UBOX5: variants seen among roughly 807,000 people sequenced by gnomAD.
The protein encoded by UBOX5 is U-box domain containing 5.
A neutral mutation model predicts 39.0 loss-of-function variants in UBOX5; 28 were observed. That is an observed-to-expected ratio of 0.72 (90% CI 0.53 to 0.98). The LOEUF is 0.98. Ranked by LOEUF, UBOX5 falls within the 50% of genes least tolerant of loss-of-function variation. UBOX5 has a pLI of 0.00. For missense variants in UBOX5, 585 were observed against 674.4 expected (o/e 0.87, Z 1.47); for synonymous variants, 283 against 275.5 (o/e 1.03, Z -0.27).
intron 1 of UBOX5, among the ~76,000 whole-genome samples, chr20:3,142,049 T>G (rs2066521205): frequency 6.7e-6 from 1 of 150,088 alleles, no homozygotes. Context: ...CCTCAGCTAC[T>G]TGGAAGGCTG....
At chr20:3,152,007 G>A (rs2148624580) in intron 1 of UBOX5, 1 of 151,102 alleles carries the variant, frequency 6.6e-6, no homozygotes, top group East Asian at 1.9e-4. Context: ...CGGGGGGCTG[G>A]GGCACAAGAG....
At chr20:3,155,261 G>A (rs914809433) in intron 1 of UBOX5, among the ~76,000 whole-genome samples, 12 of 151,996 alleles carry the variant, frequency 7.9e-5, no homozygotes, top group African/African-American at 2.4e-4. Context: ...TGGGCACAGC[G>A]GCTCAAGTCT....
chr20:3,132,576 TG>T (rs1253690982), intron 1 of UBOX5, among the ~76,000 whole-genome samples: 1 of 151,850 alleles, frequency 6.6e-6, no homozygotes, highest in African/African-American at 2.4e-5. Context: ...CCCAGCACTT[TG>T]GGTGGCTGAG....
intron 3 of UBOX5, 146 bp downstream of exon 3, chr20:3,121,238 C>A: frequency 8.2e-7 from 1 of 1,220,552 alleles, no homozygotes; most frequent in South Asian, 1.6e-5. Context: ...AGCTGAGGGG[C>A]CCCAGGATGG....
At chr20:3,142,758 G>A (rs1292271338) in intron 1 of UBOX5, among the ~76,000 whole-genome samples, 1 of 117,430 alleles carries the variant, frequency 8.5e-6, no homozygotes, top group South Asian at 2.9e-4. Flanking sequence ...GGGCGACAGA[G>A]AGAAACTCTG....
rs577407796 is a variant in UBOX5 at position 3,113,498 on chromosome 20, T to C, written c.1417+1807A>G. ...ACATGATAAAAAGATCCAACTGCTA[T>C]GAGTATGATGAGCCACAGTAAGGCG... On this transcript the variant is annotated intron_variant, in intron 4 of 4. Transcript: ENST00000217173. Among the ~76,000 whole-genome samples, 211 of 151,944 alleles carry C rather than the reference T, an allele frequency of 1.4e-3. 1 individual carries two copies. Among genetic ancestry groups the C allele is most frequent in the South Asian group, 1.7e-3 (8 of 4,800 alleles).
chr20:3,147,218 A>G (rs1173086338), intron 1 of UBOX5: 1 of 1,614,216 alleles, frequency 6.2e-7, no homozygotes. Context: ...CACATGCTCA[A>G]GCCTTAATTT....
At chr20:3,159,132 C>G (rs977224778) in intron 1 of UBOX5, among the ~76,000 whole-genome samples, 1 of 152,186 alleles carries the variant, frequency 6.6e-6, no homozygotes, top group Non-Finnish European at 1.5e-5. Flanking sequence ...GAAAGAGCAA[C>G]TATTCTTACC....
chr20:3,138,132 C>G (rs1294580519), intron 1 of UBOX5, among the ~76,000 whole-genome samples: 2 of 152,006 alleles, frequency 1.3e-5, no homozygotes, highest in Non-Finnish European at 2.9e-5. Flanking sequence ...AATTAGCCAG[C>G]CATGGTGGCG....
At chr20:3,130,970 A>T (rs895815213) in intron 1 of UBOX5, among the ~76,000 whole-genome samples, 2 of 152,082 alleles carry the variant, frequency 1.3e-5, no homozygotes, top group Non-Finnish European at 2.9e-5. Flanking sequence ...AGTGGCTCAC[A>T]CCTGTAATCC....
intron 1 of UBOX5, chr20:3,147,518 T>G: frequency 6.2e-7 from 1 of 1,614,218 alleles, no homozygotes; most frequent in Non-Finnish European, 8.5e-7. Flanking sequence ...AACTGTACCA[T>G]CGAGGGTATA....
chr20:3,143,229 C>T (rs1282446805), intron 1 of UBOX5, among the ~76,000 whole-genome samples: 1 of 150,374 alleles, frequency 6.7e-6, no homozygotes, highest in Non-Finnish European at 1.5e-5. Context: ...CATGCTTCAG[C>T]CTCCTGAGTT....
intron 2 of UBOX5, 126 bp downstream of exon 2, chr20:3,123,186 G>T: frequency 1.0e-6 from 1 of 953,556 alleles, no homozygotes; most frequent in Non-Finnish European, 1.6e-6. Context: ...ACCATCTGAT[G>T]GAATCTAAAG....
At chr20:3,145,431 CCTT>C (rs2066552047) in intron 1 of UBOX5, among the ~76,000 whole-genome samples, 2 of 312 alleles carry the variant, frequency 6.4e-3, no homozygotes, top group African/African-American at 9.5e-3. Flanking sequence ...CCACACTTGG[CCTT>C]TTTTTCCTTT....
intron 3 of UBOX5, among the ~76,000 whole-genome samples, chr20:3,120,762 G>A (rs949720049): frequency 6.6e-6 from 1 of 152,066 alleles, no homozygotes; most frequent in African/African-American, 2.4e-5. Flanking sequence ...CACATTTACT[G>A]AGTGCACCCT....
chr20:3,158,284 A>G (rs8114684), intron 1 of UBOX5, among the ~76,000 whole-genome samples: 9,521 of 151,936 alleles, frequency 0.063, 964 homozygotes, highest in African/African-American at 0.21. Context: ...GAATTATTTT[A>G]TATCAAAGTT....
intron 4 of UBOX5, among the ~76,000 whole-genome samples, chr20:3,111,334 C>A (rs1291712870): frequency 6.6e-6 from 1 of 152,200 alleles, no homozygotes; most frequent in Admixed American, 6.5e-5. Flanking sequence ...CATTTCATCA[C>A]CATAATCCAG....
chr20:3,111,796 T>A (rs1386565145), intron 4 of UBOX5: 1 of 152,252 alleles, frequency 6.6e-6, no homozygotes, highest in Non-Finnish European at 1.5e-5. Flanking sequence ...GTCCTGAGGG[T>A]CAGGACTATG....
At chr20:3,127,308 G>A (rs1228650928) in intron 1 of UBOX5, among the ~76,000 whole-genome samples, 1 of 152,128 alleles carries the variant, frequency 6.6e-6, no homozygotes, top group African/African-American at 2.4e-5. Flanking sequence ...AAATCAGTAG[G>A]AGCCACTTGC....
Sources: allele counts gnomAD v4.1 joint callset (sites outside exome capture counted in the v4.1 genomes callset), GRCh38; gene constraint gnomAD v4.1.1; transcripts MANE v1.5; gene names NCBI Gene and HGNC (gene_info 2026-07-23, HGNC 2026-07-21).